The following DPF3 variants were observed in gnomAD, a reference collection of about 807,000 sequenced individuals.
The protein encoded by DPF3 is zinc finger protein DPF3.
DPF3 carries 18 observed loss-of-function variants against 56.8 expected under a neutral mutation model. The observed-to-expected ratio is 0.32, with a 90% CI of 0.22 to 0.47. The LOEUF (loss-of-function observed/expected upper bound fraction) is 0.47. DPF3 is among the 20% of genes least tolerant of loss of function. The pLI, the probability that DPF3 is intolerant of heterozygous loss-of-function variation, is 1.00. For missense variants in DPF3, 403 were observed against 488.8 expected (o/e 0.82, Z 1.65); for synonymous variants, 188 against 180.2 (o/e 1.04, Z -0.35).
chr14:72,823,409 C>T (rs944893575), intron 1 of DPF3, among the ~76,000 whole-genome samples: 6 of 152,202 alleles, frequency 3.9e-5, no homozygotes, highest in Admixed American at 6.5e-5. Flanking sequence ...AAGGACATGG[C>T]GGACGCGTCC....
chr14:72,791,475 C>A (rs917766334), intron 1 of DPF3, among the ~76,000 whole-genome samples: 3 of 152,318 alleles, frequency 2.0e-5, no homozygotes, highest in South Asian at 4.1e-4. Flanking sequence ...CCCTGGGGAG[C>A]CCAGCAAGCC....
At chr14:72,823,323 A>G (rs184911937) in intron 1 of DPF3, among the ~76,000 whole-genome samples, 34 of 152,356 alleles carry the variant, frequency 2.2e-4, no homozygotes, top group Admixed American at 3.3e-4. Context: ...GAGACCAGAA[A>G]GATTACTTCC....
intron 2 of DPF3, among the ~76,000 whole-genome samples, chr14:72,762,231 C>T (rs772836195): frequency 7.9e-5 from 12 of 151,760 alleles, no homozygotes; most frequent in Non-Finnish European, 1.3e-4. Flanking sequence ...ACCAGACAGA[C>T]ATTACAAGAA....
chr14:72,788,018 G>C (rs1046903434), intron 1 of DPF3, among the ~76,000 whole-genome samples: 2 of 152,222 alleles, frequency 1.3e-5, no homozygotes, highest in East Asian at 3.9e-4. Flanking sequence ...GTACTGTAAG[G>C]TGAAAGAAAC....
chr14:72,670,126 G>A (rs1210881337), intron 8 of DPF3: 23 of 985,726 alleles, frequency 2.3e-5, no homozygotes, highest in African/African-American at 3.5e-5. Flanking sequence ...GAAGAAATAC[G>A]GTAGCCTTGA....
At chr14:72,880,376 C>T (rs1490230756) in intron 1 of DPF3, among the ~76,000 whole-genome samples, 1 of 152,194 alleles carries the variant, frequency 6.6e-6, no homozygotes, top group Non-Finnish European at 1.5e-5. Context: ...TGGCAGTTGC[C>T]TAGCAACGAG....
intron 1 of DPF3, among the ~76,000 whole-genome samples, chr14:72,861,749 A>AAAGAAAGAAAGAGAGAAAGAAAG (rs1555514007): frequency 4.0e-4 from 5 of 12,638 alleles, no homozygotes; most frequent in African/African-American, 2.2e-3. Context: ...GAAAGAAAGA[A>AAAGAAAGAAAGAGAGAAAGAAAG]AGAAAGAAAG....
At chr14:72,745,543 G>A (rs1431464730) in intron 3 of DPF3, among the ~76,000 whole-genome samples, 1 of 152,120 alleles carries the variant, frequency 6.6e-6, no homozygotes, top group African/African-American at 2.4e-5. Context: ...CTAGGTCAAA[G>A]AGCATGTGTG....
intron 5 of DPF3, among the ~76,000 whole-genome samples, chr14:72,721,866 G>T (rs1277653283): frequency 6.6e-6 from 1 of 152,110 alleles, no homozygotes; most frequent in African/African-American, 2.4e-5. Flanking sequence ...ACCACTTCTA[G>T]AATGTGAGAA....
intron 8 of DPF3, among the ~76,000 whole-genome samples, chr14:72,635,741 A>G (rs1013890240): frequency 6.6e-6 from 1 of 152,378 alleles, no homozygotes; most frequent in Non-Finnish European, 1.5e-5. Context: ...AAAGAAATAC[A>G]CAAACTGCTA....
At chr14:72,793,032 G>A (rs1026838605) in intron 1 of DPF3, among the ~76,000 whole-genome samples, 16 of 152,034 alleles carry the variant, frequency 1.1e-4, no homozygotes, top group Middle Eastern at 3.4e-3. Context: ...ATCATTCTCC[G>A]TCCCTCCCTT....
intron 2 of DPF3, among the ~76,000 whole-genome samples, chr14:72,756,880 A>AAG (rs1567222976): frequency 2.0e-5 from 2 of 101,678 alleles, no homozygotes; most frequent in African/African-American, 7.8e-5. Flanking sequence ...AAGGAAGGAA[A>AAG]GAAGGAAAGA....
intron 1 of DPF3, among the ~76,000 whole-genome samples, chr14:72,863,711 G>C (rs530535807): frequency 6.6e-6 from 1 of 152,196 alleles, no homozygotes; most frequent in Non-Finnish European, 1.5e-5. Context: ...CAGCAGACCA[G>C]AGATAGCTAA....
chr14:72,842,408 G>T (rs1884582947), intron 1 of DPF3, among the ~76,000 whole-genome samples: 1 of 152,212 alleles, frequency 6.6e-6, no homozygotes, highest in Non-Finnish European at 1.5e-5. Flanking sequence ...GAGAATGAAT[G>T]ATCTACAACC....
intron 1 of DPF3, among the ~76,000 whole-genome samples, chr14:72,780,378 A>C (rs191033683): frequency 2.2e-4 from 34 of 152,208 alleles, no homozygotes; most frequent in Non-Finnish European, 3.7e-4. Flanking sequence ...ACTTAATTAG[A>C]TTGGAAGTAT....
intron 8 of DPF3, among the ~76,000 whole-genome samples, chr14:72,672,082 C>G (rs1886715217): frequency 6.6e-6 from 1 of 151,224 alleles, no homozygotes; most frequent in South Asian, 2.1e-4. Context: ...CACACACACA[C>G]ACCCAGCCAC....
intron 1 of DPF3, among the ~76,000 whole-genome samples, chr14:72,781,693 C>T (rs937994873): frequency 2.0e-4 from 27 of 137,508 alleles, no homozygotes; most frequent in Admixed American, 1.9e-3. Context: ...AGTGTGATTC[C>T]TTCCAGTAAA....
intron 1 of DPF3, among the ~76,000 whole-genome samples, chr14:72,868,426 C>G (rs1885764233): frequency 6.6e-6 from 1 of 152,208 alleles, no homozygotes; most frequent in Non-Finnish European, 1.5e-5. Context: ...TTTGTTGTTG[C>G]ATATGCAGGG....
chr14:72,880,062 G>C, intron 1 of DPF3: 1 of 1,145,764 alleles, frequency 8.7e-7, no homozygotes, highest in South Asian at 2.0e-5. Context: ...ATATGGCTCA[G>C]TAACAGACAT....
Sources: allele counts gnomAD v4.1 joint callset (sites outside exome capture counted in the v4.1 genomes callset), GRCh38; gene constraint gnomAD v4.1.1; transcripts MANE v1.5; gene names NCBI Gene and HGNC (gene_info 2026-07-23, HGNC 2026-07-21).